Variants in DISC1 observed in about 807,000 individuals in gnomAD.
DISC1 encodes the protein DISC1 scaffold protein.
Under a neutral mutation model 84.5 loss-of-function variants are expected in DISC1, and 57 were observed. The observed-to-expected ratio is 0.67, with a 90% CI of 0.55 to 0.84. DISC1 has a LOEUF of 0.84. Among genes scored for constraint, DISC1 ranks in the 40% least tolerant of loss-of-function variants. The probability of loss-of-function intolerance (pLI) is 0.00; values close to 1 mark genes in which losing one functional copy is unlikely to be tolerated. For synonymous variants in DISC1, 411 were observed against 415.2 expected (o/e 0.99, Z 0.12); for missense variants, 1,000 against 1,057.8 (o/e 0.95, Z 0.76).
At chr1:231,849,775 A>G (rs1246426244) in intron 9 of DISC1, among the ~76,000 whole-genome samples, 4 of 152,208 alleles carry the variant, frequency 2.6e-5, no homozygotes, top group East Asian at 1.9e-4. Flanking sequence ...TCTTCTCACC[A>G]CCATAACACG....
At chr1:231,990,190 A>T (rs566337803) in intron 10 of DISC1, among the ~76,000 whole-genome samples, 26 of 152,160 alleles carry the variant, frequency 1.7e-4, no homozygotes, top group African/African-American at 6.0e-4. Context: ...TGGTTCTGTT[A>T]TCTCACAGTT....
intron 9 of DISC1, among the ~76,000 whole-genome samples, chr1:231,835,214 G>C (rs540749515): frequency 1.3e-5 from 2 of 152,200 alleles, no homozygotes; most frequent in Non-Finnish European, 2.9e-5. Context: ...GGGGTCCCCC[G>C]ATCTGAGTCA....
Position 231,818,505 on chromosome 1 carries a change from G to C in DISC1, c.1969G>C (p.Glu657Gln), listed in dbSNP as rs747175343. The C allele has an allele frequency of 6.2e-7, 1 of 1,614,110 alleles. No homozygotes were observed. The highest frequency in any genetic ancestry group is 1.1e-5 in the South Asian group (1 of 91,072). ...ACTGAGAAGAGAAGTGGAGCACCAGGAGACTGCCTATGGTAGGTAGTGCAC... is the reference window on the plus strand; with the variant it reads ...ACTGAGAAGAGAAGTGGAGCACCAGCAGACTGCCTATGGTAGGTAGTGCAC... Reference protein sequence around the residue: ...NRLRREVEHQETAYETSVKEN... With the variant: ...NRLRREVEHQQTAYETSVKEN... Residue 657 changes from glutamate to glutamine, a missense_variant, in exon 9 of 13, where the codon GAG becomes CAG. Coordinates refer to ENST00000439617, the MANE Select transcript of DISC1 (RefSeq NM_018662.3).
intron 10 of DISC1, among the ~76,000 whole-genome samples, chr1:231,967,894 A>T (rs1661331721): frequency 6.6e-6 from 1 of 152,220 alleles, no homozygotes; most frequent in South Asian, 2.1e-4. Context: ...GGCGTGAATT[A>T]AAAAGAGTAA....
At chr1:231,656,740 G>T (rs924994697) in intron 1 of DISC1, among the ~76,000 whole-genome samples, 1 of 152,088 alleles carries the variant, frequency 6.6e-6, no homozygotes, top group Non-Finnish European at 1.5e-5. Context: ...TAGGTATTAA[G>T]CCCAGCATCA....
intron 6 of DISC1, among the ~76,000 whole-genome samples, chr1:231,786,869 C>G (rs1317415697): frequency 6.6e-6 from 1 of 152,172 alleles, no homozygotes; most frequent in East Asian, 1.9e-4. Flanking sequence ...AGAAGAGGCC[C>G]TGGCAGGATG....
chr1:231,978,349 A>AG (rs1207108638), intron 10 of DISC1, among the ~76,000 whole-genome samples: 3 of 152,164 alleles, frequency 2.0e-5, no homozygotes, highest in South Asian at 2.1e-4. Context: ...TTACTTCATG[A>AG]GGGGGGGTTA....
chr1:231,747,136 T>C (rs949686665), intron 3 of DISC1, among the ~76,000 whole-genome samples: 1 of 151,960 alleles, frequency 6.6e-6, no homozygotes, highest in African/African-American at 2.4e-5. Context: ...TCACCATGTT[T>C]CCCAGGCTGG....
chr1:231,868,710 A>G, intron 9 of DISC1, among the ~76,000 whole-genome samples: 1 of 66,482 alleles, frequency 1.5e-5, no homozygotes, highest in African/African-American at 9.4e-5. Context: ...ATATATATAT[A>G]TATATATATA....
At chr1:232,024,881 C>T (rs555566086) in intron 11 of DISC1, among the ~76,000 whole-genome samples, 2 of 152,226 alleles carry the variant, frequency 1.3e-5, no homozygotes, top group East Asian at 1.9e-4. Context: ...CGAGCCACTG[C>T]GTCTGGTCTG....
intron 1 of DISC1, among the ~76,000 whole-genome samples, chr1:231,662,854 A>G (rs1001833776): frequency 3.9e-5 from 6 of 152,238 alleles, no homozygotes; most frequent in Non-Finnish European, 5.9e-5. Context: ...TGTAAAAAAA[A>G]GGTCAACAAA....
intron 3 of DISC1, among the ~76,000 whole-genome samples, chr1:231,741,835 C>T (rs748437305): frequency 6.6e-5 from 10 of 152,228 alleles, no homozygotes; most frequent in Admixed American, 1.3e-4. Context: ...TGTCAGAGAA[C>T]ATCTCAAATC....
rs527964467 is a variant in DISC1, at chr1:231,644,672, G to A, written c.67+17738G>A. Among the ~76,000 whole-genome samples the A allele has an allele frequency of 9.8e-5, 15 of 152,302 alleles. No individual in the cohort carries two copies. The South Asian group carries it at 1.9e-3, about 19-fold the overall frequency. The stretch of plus-strand genomic sequence containing the variant: ...CCTCAACAGTACAGCAGATTGAGAA[G>A]GCTGAGGGACATCGTTTAGGAGCAT... On this transcript the variant is annotated intron_variant, in intron 1 of 12. Transcript: ENST00000439617.
intron 9 of DISC1, among the ~76,000 whole-genome samples, chr1:231,894,919 GCACA>G (rs1161163862): frequency 6.7e-6 from 1 of 149,204 alleles, no homozygotes. Context: ...CTTATCACAT[GCACA>G]CACACACACC....
intron 3 of DISC1, among the ~76,000 whole-genome samples, chr1:231,741,112 CAG>C (rs1218096448): frequency 7.2e-5 from 11 of 152,170 alleles, no homozygotes; most frequent in African/African-American, 2.7e-4. Context: ...AGAGATCAGA[CAG>C]AGAGTAATTC....
At chr1:231,652,482 A>C (rs959445382) in intron 1 of DISC1, among the ~76,000 whole-genome samples, 4 of 152,226 alleles carry the variant, frequency 2.6e-5, no homozygotes, top group African/African-American at 9.6e-5. Context: ...AACTGGAGGA[A>C]AAATAACACA....
intron 9 of DISC1, among the ~76,000 whole-genome samples, chr1:231,852,586 G>T (rs947185181): frequency 6.6e-6 from 1 of 152,238 alleles, no homozygotes; most frequent in Non-Finnish European, 1.5e-5. Flanking sequence ...TGCGCACCTG[G>T]TCTTAAGTCA....
intron 1 of DISC1, among the ~76,000 whole-genome samples, chr1:231,687,611 C>T (rs200942078): frequency 1.2e-4 from 18 of 152,290 alleles, no homozygotes; most frequent in Non-Finnish European, 2.4e-4. Context: ...TTTTATATCA[C>T]GCATGTGTGC....
chr1:231,991,073 A>G (rs1665139801), intron 10 of DISC1, among the ~76,000 whole-genome samples: 1 of 152,240 alleles, frequency 6.6e-6, no homozygotes, highest in South Asian at 2.1e-4. Flanking sequence ...AACACAGAAT[A>G]GTTTGGGGAC....
Sources: allele counts gnomAD v4.1 joint callset (sites outside exome capture counted in the v4.1 genomes callset), GRCh38; gene constraint gnomAD v4.1.1; transcripts MANE v1.5; gene names NCBI Gene and HGNC (gene_info 2026-07-23, HGNC 2026-07-21).